The following GREM2 variants were observed in gnomAD, a reference collection of about 807,000 sequenced individuals.
GREM2 encodes gremlin-2.
GREM2 carries 11 observed loss-of-function variants against 14.2 expected under a neutral mutation model. The observed-to-expected ratio is 0.78, with a 90% CI of 0.49 to 1.28. The LOEUF (loss-of-function observed/expected upper bound fraction) is 1.28, where lower values mean the gene tolerates loss of function less well. Ranked by LOEUF, GREM2 falls within the 50% of genes most tolerant of loss-of-function variation. The pLI, the probability that GREM2 is intolerant of heterozygous loss-of-function variation, is 0.00. For synonymous variants in GREM2, 98 were observed against 97.6 expected (o/e 1.00, Z -0.02); for missense variants, 210 against 218.5 (o/e 0.96, Z 0.24).
At chr1:240,571,701 A>AAAAAGAAAAAGAAAAAG (rs1294632783) in intron 1 of GREM2, among the ~76,000 whole-genome samples, 1 of 151,106 alleles carries the variant, frequency 6.6e-6, no homozygotes, top group South Asian at 2.1e-4. Flanking sequence ...TCCATCGCAA[A>AAAAAGAAAAAGAAAAAG]AAAAGAAAAA....
chr1:240,546,979 T>C (rs1455692202), intron 1 of GREM2, among the ~76,000 whole-genome samples: 1 of 152,068 alleles, frequency 6.6e-6, no homozygotes, highest in Non-Finnish European at 1.5e-5. Flanking sequence ...CTGCAGGAAT[T>C]CAGACAAGAG....
chr1:240,542,590 A>G lies in GREM2; in HGVS notation c.-1-49114T>C, dbSNP rs571094385. On this transcript the variant is annotated intron_variant, in intron 1 of 1. Coordinates refer to ENST00000318160, the MANE Select transcript of GREM2 (RefSeq NM_022469.4). This position sits in a 1 kb window ranked among gnomAD's most constrained non-coding sequence, Gnocchi z 4.1. Reference sequence around the variant, plus strand: ...AGATTGTGCCCCTGCACTCCAGCCTAGTGACAGAGCGAGACTCCATCTCAA... The same window carrying G: ...AGATTGTGCCCCTGCACTCCAGCCTGGTGACAGAGCGAGACTCCATCTCAA... Among the ~76,000 whole-genome samples the G allele has an allele frequency of 3.3e-5, 5 of 152,094 alleles. No homozygotes were observed. In the East Asian group the frequency reaches 9.7e-4, roughly 30 times the overall value.
intron 1 of GREM2, among the ~76,000 whole-genome samples, chr1:240,547,795 C>T (rs1678770619): frequency 1.3e-5 from 2 of 151,876 alleles, no homozygotes; most frequent in African/African-American, 2.4e-5. Flanking sequence ...AAAACTAAAT[C>T]TCTCCACTTA....
intron 1 of GREM2, among the ~76,000 whole-genome samples, chr1:240,506,016 A>G (rs1677669934): frequency 6.6e-6 from 1 of 152,184 alleles, no homozygotes; most frequent in East Asian, 1.9e-4. Flanking sequence ...TACTCTTTAC[A>G]TAATATCTAC....
chr1:240,597,040 C>A (rs565399983), intron 1 of GREM2, among the ~76,000 whole-genome samples: 2 of 152,196 alleles, frequency 1.3e-5, no homozygotes, highest in Non-Finnish European at 2.9e-5. Context: ...GATAGGAAAC[C>A]AGAAACGGAG....
At chr1:240,497,744 G>A in intron 1 of GREM2, among the ~76,000 whole-genome samples, 1 of 150,008 alleles carries the variant, frequency 6.7e-6, no homozygotes, top group East Asian at 1.9e-4. Context: ...CTCCTTAGTT[G>A]CACACATGAA....
Position 240,493,296 on chromosome 1 carries a change from C to T in GREM2, c.180G>A (p.Leu60=). 3 of 1,614,034 alleles carry T rather than the reference C, an allele frequency of 1.9e-6. No individual in the cohort carries two copies. The highest frequency in any genetic ancestry group is 2.5e-6 in the Non-Finnish European group (3 of 1,179,990). ...TGAGGTACTTGCGCTCGGTGACCACCAGGGCCTCCTGGCTGGAGGCCAGCA... is the reference window on the plus strand; with the variant it reads ...TGAGGTACTTGCGCTCGGTGACCACTAGGGCCTCCTGGCTGGAGGCCAGCA... ...KEVLASSQEA[L]VVTERKYLKS... The change falls in exon 2 of 2, where the codon CTG becomes CTA. Residue 60 remains leucine (L), a synonymous_variant. Transcript: ENST00000318160.
chr1:240,535,644 C>T (rs1678455107), intron 1 of GREM2, among the ~76,000 whole-genome samples: 1 of 151,728 alleles, frequency 6.6e-6, no homozygotes, highest in Non-Finnish European at 1.5e-5. Context: ...ACTAAAAATA[C>T]AAGAATTAGC....
chr1:240,567,226 T>C (rs1206792074), intron 1 of GREM2, among the ~76,000 whole-genome samples: 1 of 152,114 alleles, frequency 6.6e-6, no homozygotes, highest in East Asian at 1.9e-4. Flanking sequence ...TGGTCTAATA[T>C]ATGTATAACT....
intron 1 of GREM2, among the ~76,000 whole-genome samples, chr1:240,606,050 G>A (rs577149411): frequency 2.5e-4 from 38 of 152,228 alleles, no homozygotes; most frequent in African/African-American, 8.2e-4. Context: ...AAAAGACTGG[G>A]TTTGTCATTT....
chr1:240,602,357 T>C (rs1001548096), intron 1 of GREM2, among the ~76,000 whole-genome samples: 7 of 152,150 alleles, frequency 4.6e-5, no homozygotes, highest in African/African-American at 9.6e-5. Context: ...CTTTCTTATA[T>C]GTTTTTTCCT....
At chr1:240,495,053 T>G (rs1312537254) in intron 1 of GREM2, among the ~76,000 whole-genome samples, 2 of 152,268 alleles carry the variant, frequency 1.3e-5, no homozygotes, top group Non-Finnish European at 2.9e-5. Flanking sequence ...TCATGCTATC[T>G]AAAACGTGGC....
rs551275315 is a variant in GREM2 at position 240,562,803 on chromosome 1, GTGTA to G, written c.-2+49077_-2+49080del. Among the ~76,000 whole-genome samples the G allele has an allele frequency of 3.4e-4, 51 of 151,822 alleles. No individual in the cohort carries two copies. In the East Asian group the frequency reaches 9.1e-3, roughly 27 times the overall value. On this transcript the variant is annotated intron_variant, in intron 1 of 1. Coordinates refer to ENST00000318160, the MANE Select transcript of GREM2 (RefSeq NM_022469.4). Reference sequence around the variant, plus strand: ...TGAGTGTGTATGTGTGTATGTGAGTGTGTATGTGTGTATTGTGTACACGTGAGTG... The same window carrying G: ...TGAGTGTGTATGTGTGTATGTGAGTGTGTGTGTATTGTGTACACGTGAGTG...
chr1:240,493,313 A>C lies in GREM2; in HGVS notation c.163T>G (p.Ser55Ala), dbSNP rs1304648224. Residue 55 changes from serine to alanine, a missense_variant, in exon 2 of 2, where the codon TCC becomes GCC. By Grantham distance (99) the Ser-to-Ala change is moderately conservative (BLOSUM62 1). Transcript: ENST00000318160. Reference protein sequence around the residue: ...WQHQIKEVLASSQEALVVTER... With the variant: ...WQHQIKEVLAASQEALVVTER... ...GTGACCACCAGGGCCTCCTGGCTGG[A>C]GGCCAGCACCTCCTTGATCTGGTGC... is the stretch of plus-strand genomic sequence containing the variant. 7.4e-6 allele frequency: 12 copies of C among 1,613,950 alleles called. No homozygotes were observed. Among genetic ancestry groups the C allele is most frequent in the Non-Finnish European group, 9.3e-6 (11 of 1,179,992 alleles).
intron 1 of GREM2, among the ~76,000 whole-genome samples, chr1:240,535,298 A>G (rs567837917): frequency 6.6e-6 from 1 of 152,268 alleles, no homozygotes; most frequent in African/African-American, 2.4e-5. Context: ...CAACTTATCC[A>G]TAGTTGTGTT....
chr1:240,523,548 GT>G (rs202144271), intron 1 of GREM2, among the ~76,000 whole-genome samples: 2 of 150,942 alleles, frequency 1.3e-5, no homozygotes, highest in South Asian at 2.1e-4. Flanking sequence ...TGTTCTCACT[GT>G]TTTTTTTTGT....
At chr1:240,502,078 G>T (rs1204277306) in intron 1 of GREM2, among the ~76,000 whole-genome samples, 10 of 152,094 alleles carry the variant, frequency 6.6e-5, no homozygotes, top group Non-Finnish European at 1.5e-4. Flanking sequence ...TCCTAGGACA[G>T]CATTCTGTGT....
chr1:240,576,436 T>C (rs1440296441), intron 1 of GREM2, among the ~76,000 whole-genome samples: 1 of 152,198 alleles, frequency 6.6e-6, no homozygotes. Context: ...GCATCACCAG[T>C]CCATATTTCC....
chr1:240,582,963 T>A (rs1371210964), intron 1 of GREM2, among the ~76,000 whole-genome samples: 1 of 152,220 alleles, frequency 6.6e-6, no homozygotes. Flanking sequence ...TTTACTTTTT[T>A]CATTTTAGAT....
Sources: allele counts gnomAD v4.1 joint callset (sites outside exome capture counted in the v4.1 genomes callset), GRCh38; gene constraint gnomAD v4.1.1; non-coding constraint Gnocchi (gnomAD v3.1); transcripts MANE v1.5; gene names NCBI Gene and HGNC (gene_info 2026-07-23, HGNC 2026-07-21).